Variants in SLC15A4 observed in about 807,000 individuals in gnomAD.
SLC15A4 encodes solute carrier family 15 member 4.
In SLC15A4, 26 loss-of-function variants were observed where a neutral mutation model predicts 46.1. That is an observed-to-expected ratio of 0.56 (90% confidence interval 0.41 to 0.78). The LOEUF is 0.78. Ranked by LOEUF, SLC15A4 falls within the 30% of genes least tolerant of loss-of-function variation. The pLI is 0.00. For missense variants in SLC15A4, 751 were observed against 755.7 expected, an observed-to-expected ratio of 0.99 and a Z score of 0.07; for synonymous variants, 370 against 333.4, an observed-to-expected ratio of 1.11 and a Z score of -1.20.
intron 1 of SLC15A4, among the ~76,000 whole-genome samples, chr12:128,820,691 A>AT (rs1266917115): frequency 6.6e-6 from 1 of 152,226 alleles, no homozygotes; most frequent in East Asian, 1.9e-4. Context: ...GACATGTAGC[A>AT]TACGTGTCAT....
intron 2 of SLC15A4, among the ~76,000 whole-genome samples, chr12:128,810,722 G>A (rs919827725): frequency 3.3e-5 from 5 of 152,086 alleles, no homozygotes; most frequent in African/African-American, 1.2e-4. Context: ...GATGAGAGGA[G>A]GATGTCCCTG....
chr12:128,823,526 T>C lies in SLC15A4; in HGVS notation c.418A>G (p.Asn140Asp), dbSNP rs1456570104. The C allele has an allele frequency of 9.5e-6, 14 of 1,470,940 alleles. No homozygotes were observed. In the South Asian group the frequency reaches 1.7e-4, roughly 18 times the overall value. The allele number at this position is 1,470,940 out of a possible 1,614,324, so 91.1% of individuals were successfully genotyped here. ...AALCGSARLL[N>D]CTAPGPDAAA... The stretch of plus-strand genomic sequence containing the variant: ...GCGTCGGGACCAGGCGCCGTGCAGT[T>C]GAGCAGGCGCGCGGAACCGCAGAGC... The change falls in exon 1 of 8, where the codon AAC becomes GAC. Residue 140 changes from asparagine to aspartate, a missense_variant. Asn to Asp is a conservative substitution (Grantham distance 23). Transcript: ENST00000266771.
At chr12:128,807,281 CACAA>C (rs1955601179) in intron 5 of SLC15A4, among the ~76,000 whole-genome samples, 1 of 152,134 alleles carries the variant, frequency 6.6e-6, no homozygotes, top group Non-Finnish European at 1.5e-5. Context: ...TTGTATCCTG[CACAA>C]ACACATATCG....
At chr12:128,798,330 A>G (rs1326803072) in intron 7 of SLC15A4, among the ~76,000 whole-genome samples, 1 of 152,222 alleles carries the variant, frequency 6.6e-6, no homozygotes, top group East Asian at 1.9e-4. Context: ...CAGAGCAAGC[A>G]GCCCTGAGCT....
Position 128,814,808 on chromosome 12 carries a change from G to A in SLC15A4, c.809C>T (p.Ser270Phe), listed in dbSNP as rs1210026352. 6.2e-7 allele frequency: 1 copy of A among 1,614,170 alleles called. No individual in the cohort carries two copies. The change falls in exon 2 of 8, where the codon TCC (serine) becomes TTC (phenylalanine). Residue 270 changes from serine (S) to phenylalanine (F), a missense_variant. By Grantham distance (155) the Ser-to-Phe change is radical (BLOSUM62 -2). Coordinates refer to ENST00000266771, the MANE Select transcript of SLC15A4 (RefSeq NM_145648.4). Reference protein sequence around the residue: ...MFKILTYSCCSQKRSGERQSN... With the variant: ...MFKILTYSCCFQKRSGERQSN... ...CTGGCGCTCTCCACTTCGCTTCTGGGAACAGCAGGAATACGTCAGTATCTT... is the reference window on the plus strand; with the variant it reads ...CTGGCGCTCTCCACTTCGCTTCTGGAAACAGCAGGAATACGTCAGTATCTT...
In SLC15A4 at chr12:128,794,044, G is replaced by T; in HGVS notation, c.*152C>A. ...AGTAAGGCACTTACCAAGCTCCTTT[G>T]GATAGAGGGAAAGAAGAAATCAATC... On this transcript the variant is annotated 3_prime_UTR_variant, in exon 8 of 8. Transcript: ENST00000266771. The T allele has an allele frequency of 1.3e-6, 1 of 784,592 alleles. No homozygotes were observed. The highest frequency in any genetic ancestry group is 2.0e-6 in the Non-Finnish European group (1 of 507,348). 48.6% of individuals were successfully genotyped at this position (784,592 alleles called of 1,614,324 possible).
intron 6 of SLC15A4, 144 bp from the exon 7 acceptor site, chr12:128,799,561 G>A: frequency 2.5e-6 from 2 of 799,616 alleles, no homozygotes; most frequent in African/African-American, 1.7e-5. Flanking sequence ...TTTCTATTAG[G>A]AGGACGATGC....
intron 3 of SLC15A4, 98 bp downstream of exon 3, chr12:128,809,845 T>A (rs368419380): frequency 2.4e-6 from 3 of 1,250,446 alleles, no homozygotes; most frequent in African/African-American, 1.5e-5. Context: ...GGAAAAAAAA[T>A]CACCTAGTCC....
At chr12:128,809,862 C>T in intron 3 of SLC15A4, 81 bp downstream of exon 3, 1 of 1,434,234 alleles carries the variant, frequency 7.0e-7, no homozygotes, top group Non-Finnish European at 9.4e-7. Flanking sequence ...GTCCTACCTA[C>T]TTTAGAAATG....
Position 128,805,444 on chromosome 12 carries a change from T to TA in SLC15A4, c.1258+3343dup, listed in dbSNP as rs556937834. Among the ~76,000 whole-genome samples the TA allele has an allele frequency of 2.3e-3, 343 of 152,186 alleles. 1 individual carries two copies. The highest frequency in any genetic ancestry group is 4.6e-3 in the Admixed American group (70 of 15,284). On this transcript the variant is annotated intron_variant, in intron 5 of 7. Transcript: ENST00000266771. The stretch of plus-strand genomic sequence containing the variant: ...CCATATATGAGGAACTGAAAATACA[T>TA]AAAGTAGTTACCAATAAACCTAACA...
intron 7 of SLC15A4, among the ~76,000 whole-genome samples, chr12:128,798,331 G>GC (rs771817304): frequency 1.3e-5 from 2 of 152,204 alleles, no homozygotes; most frequent in Non-Finnish European, 2.9e-5. Context: ...AGAGCAAGCA[G>GC]CCCTGAGCTG....
intron 2 of SLC15A4, 197 bp downstream of exon 2, chr12:128,814,578 C>T: frequency 1.7e-6 from 1 of 588,666 alleles, no homozygotes; most frequent in South Asian, 2.2e-5. Flanking sequence ...AATCAGGCCA[C>T]TGGCCTGTCT....
intron 1 of SLC15A4, among the ~76,000 whole-genome samples, chr12:128,820,551 A>T (rs1955818450): frequency 6.6e-6 from 1 of 152,258 alleles, no homozygotes; most frequent in Non-Finnish European, 1.5e-5. Context: ...CAGGCTTTTG[A>T]ATCCTGGCTC....
rs572449834 is a variant in SLC15A4, at chr12:128,799,057, C to T, written c.1573+202G>A. 2.2e-3 allele frequency among the ~76,000 whole-genome samples: 336 copies of T among 152,246 alleles called. 1 individual carries two copies. The highest frequency in any genetic ancestry group is 4.5e-3 in the Admixed American group (69 of 15,300). On this transcript the variant is annotated intron_variant, in intron 7 of 7. Coordinates refer to ENST00000266771, the MANE Select transcript of SLC15A4 (RefSeq NM_145648.4). ...CCCCTGGGATGAGAAGAGAGGCCTG[C>T]TTGTCTCCTGAAAACCGTTCATGAT...
intron 1 of SLC15A4, among the ~76,000 whole-genome samples, chr12:128,822,940 T>G (rs1304223112): frequency 6.6e-6 from 1 of 152,110 alleles, no homozygotes; most frequent in Non-Finnish European, 1.5e-5. Flanking sequence ...CCTCCGAAAC[T>G]CGTAGGCTCA....
chr12:128,823,731 G>T lies in SLC15A4; in HGVS notation c.213C>A (p.Gly71=). The change falls in exon 1 of 8, where the codon GGC becomes GGA. Residue 71 remains glycine, a synonymous_variant. Coordinates refer to ENST00000266771, the MANE Select transcript of SLC15A4 (RefSeq NM_145648.4). ...GCAGCAGCGCCTCGCTGGCCTGCGC[G>T]CCCTCCCAGCAGAACGGCGCCCCGT... ...FLNGAPFCWE[G]AQASEALLLF... is the part of the protein sequence containing the mutation. 1 of 1,539,136 alleles carries T rather than the reference G, an allele frequency of 6.5e-7. No homozygotes were observed. Among genetic ancestry groups the T allele is most frequent in the Non-Finnish European group, 8.7e-7 (1 of 1,151,774 alleles).
intron 7 of SLC15A4, among the ~76,000 whole-genome samples, chr12:128,797,015 G>T (rs533052426): frequency 1.6e-4 from 24 of 152,296 alleles, no homozygotes; most frequent in African/African-American, 5.5e-4. Flanking sequence ...TAAGTCGCCT[G>T]GGAGAAAACC....
intron 1 of SLC15A4, among the ~76,000 whole-genome samples, chr12:128,817,841 C>T (rs1200842817): frequency 6.6e-6 from 1 of 152,208 alleles, no homozygotes; most frequent in African/African-American, 2.4e-5. Context: ...ACATCACATG[C>T]TTCCCAGCCC....
chr12:128,816,444 G>C (rs990570069), intron 1 of SLC15A4, among the ~76,000 whole-genome samples: 1 of 152,214 alleles, frequency 6.6e-6, no homozygotes, highest in African/African-American at 2.4e-5. Context: ...GGTTATGAAA[G>C]AGTTAGAAAA....
Sources: gnomAD v4.1 joint callset for allele counts (sites outside exome capture counted in the v4.1 genomes callset) on GRCh38, gnomAD v4.1.1 for gene constraint, MANE v1.5 for transcripts, NCBI Gene and HGNC (gene_info 2026-07-23, HGNC 2026-07-21) for gene names.